Variants in TTC17 observed in about 807,000 individuals in gnomAD.
The protein encoded by TTC17 is tetratricopeptide repeat protein 17.
In TTC17, 58 loss-of-function variants were observed where a neutral mutation model predicts 143.8. The observed-to-expected ratio is 0.40, with a 90% confidence interval of 0.33 to 0.50. The LOEUF is 0.50. Among genes scored for constraint, TTC17 ranks in the 20% least tolerant of loss-of-function variants. The pLI is 0.49. For missense variants in TTC17, 1,273 were observed against 1,392.5 expected (o/e 0.91, Z 1.37); for synonymous variants, 501 against 497.8 (o/e 1.01, Z -0.09).
intron 2 of TTC17, among the ~76,000 whole-genome samples, chr11:43,381,640 T>G (rs1045449631): frequency 6.6e-6 from 1 of 152,202 alleles, no homozygotes; most frequent in Non-Finnish European, 1.5e-5. Flanking sequence ...ACATCTTCAG[T>G]TTCCTGAATA....
At chr11:43,428,973 A>G (rs929326339) in intron 16 of TTC17, among the ~76,000 whole-genome samples, 12 of 152,214 alleles carry the variant, frequency 7.9e-5, no homozygotes, top group African/African-American at 2.9e-4. Context: ...AACCTTCTGC[A>G]AAGAATTTCA....
intron 16 of TTC17, among the ~76,000 whole-genome samples, chr11:43,424,087 C>CT (rs778471979): frequency 0.033 from 4,605 of 140,682 alleles, 259 homozygotes; most frequent in African/African-American, 0.11. Context: ...ATTCTTTTTC[C>CT]TTTTTTTTTT....
intron 18 of TTC17, among the ~76,000 whole-genome samples, chr11:43,446,916 C>T (rs1042421877): frequency 1.3e-5 from 2 of 152,180 alleles, no homozygotes; most frequent in Non-Finnish European, 2.9e-5. Context: ...TGGGAACATA[C>T]ACGTTAGAGT....
chr11:43,413,096 A>G (rs1158933128), intron 15 of TTC17, among the ~76,000 whole-genome samples: 1 of 152,064 alleles, frequency 6.6e-6, no homozygotes, highest in Non-Finnish European at 1.5e-5. Context: ...GAGATTTACT[A>G]TAATTAAAAG....
intron 16 of TTC17, chr11:43,435,076 ATGATAGAT>A (rs1484754033): frequency 1.6e-5 from 2 of 125,018 alleles, no homozygotes; most frequent in African/African-American, 6.0e-5. Context: ...CACAGATAAG[ATGATAGAT>A]AGATAGATAG....
At chr11:43,462,504 G>GT (rs1172359285) in intron 21 of TTC17, among the ~76,000 whole-genome samples, 1 of 152,184 alleles carries the variant, frequency 6.6e-6, no homozygotes, top group Admixed American at 6.5e-5. Context: ...GAAGAGGGAA[G>GT]TAACAGATTC....
chr11:43,406,021 C>G (rs922300224), intron 13 of TTC17, 70 bp downstream of exon 13: 1 of 1,494,052 alleles, frequency 6.7e-7, no homozygotes, highest in African/African-American at 1.4e-5. Flanking sequence ...TTAAATGGAA[C>G]AAAAAATTGA....
intron 21 of TTC17, chr11:43,490,001 T>C: frequency 3.1e-6 from 1 of 323,198 alleles, no homozygotes; most frequent in Non-Finnish European, 5.6e-6. Flanking sequence ...GGCAAGACAC[T>C]TAAGCTCTCT....
At chr11:43,490,920 A>T (rs1395368898) in intron 22 of TTC17, 1 of 150,278 alleles carries the variant, frequency 6.7e-6, no homozygotes, top group Non-Finnish European at 1.5e-5. Context: ...TTTCCAGAAG[A>T]CCGGTTATTG....
chr11:43,489,239 T>C (rs1269973417), intron 21 of TTC17, among the ~76,000 whole-genome samples: 1 of 152,042 alleles, frequency 6.6e-6, no homozygotes, highest in African/African-American at 2.4e-5. Flanking sequence ...TAACAAAATA[T>C]GAATGCAAAT....
chr11:43,456,205 C>A (rs545597124), intron 21 of TTC17, among the ~76,000 whole-genome samples: 45 of 151,768 alleles, frequency 3.0e-4, no homozygotes, highest in African/African-American at 9.9e-4. Flanking sequence ...CACACACACA[C>A]ACACACACCA....
At chr11:43,438,316 C>G (rs1439692418) in intron 16 of TTC17, among the ~76,000 whole-genome samples, 2 of 152,188 alleles carry the variant, frequency 1.3e-5, no homozygotes, top group Admixed American at 6.5e-5. Flanking sequence ...TGCCACCACA[C>G]CCAGCTAATT....
rs145638006 is a variant in TTC17 at position 43,490,341 on chromosome 11, G to T, written c.3133G>T (p.Ala1045Ser). The T allele has an allele frequency of 1.6e-4, 252 of 1,606,420 alleles. 3 individuals are homozygous for T. In the East Asian group the frequency reaches 5.0e-3, roughly 32 times the overall value. The change falls in exon 22 of 24, where the codon GCG becomes TCG. Residue 1045 changes from alanine to serine, a missense_variant. Physicochemically the swap from Ala to Ser is moderately conservative, Grantham distance 99. Around this residue, in one of 3 missense-constraint regions of TTC17, gnomAD observed 878 missense variants for 899.8 expected, o/e 0.98. Transcript: ENST00000039989. ...CTGCCTCCGCCAGGCTCTGCACTAT[G>T]CGCCACACCAGATGAAGGTGAGTGG... Reference protein sequence around the residue: ...IDCLRQALHYAPHQMKDVPLI... With the variant: ...IDCLRQALHYSPHQMKDVPLI...
chr11:43,404,211 C>T, intron 11 of TTC17, 67 bp downstream of exon 11: 1 of 1,476,990 alleles, frequency 6.8e-7, no homozygotes, highest in African/African-American at 1.4e-5. Context: ...CAGTGGCCCT[C>T]AACCTCACTG....
intron 13 of TTC17, 121 bp downstream of exon 13, chr11:43,406,072 G>A (rs568298953): frequency 8.3e-7 from 1 of 1,207,836 alleles, no homozygotes; most frequent in African/African-American, 1.5e-5. Context: ...AAAATGGAAG[G>A]ATAGAGTTAA....
intron 20 of TTC17, among the ~76,000 whole-genome samples, chr11:43,450,477 G>C (rs540514760): frequency 4.6e-5 from 7 of 152,250 alleles, no homozygotes; most frequent in African/African-American, 1.7e-4. Context: ...ACCCCTCAAG[G>C]GGGGTAGTTC....
chr11:43,413,330 G>T (rs1465060959), intron 15 of TTC17, among the ~76,000 whole-genome samples: 3 of 152,062 alleles, frequency 2.0e-5, no homozygotes, highest in Non-Finnish European at 4.4e-5. Flanking sequence ...ACCATACACA[G>T]GATTAATTTG....
At chr11:43,477,078 A>G (rs1006865147) in intron 21 of TTC17, among the ~76,000 whole-genome samples, 49 of 152,130 alleles carry the variant, frequency 3.2e-4, no homozygotes, top group Admixed American at 1.2e-3. Flanking sequence ...AGTTCCACAA[A>G]TCTCTAGGAC....
chr11:43,390,572 CACCACTGCACT>C (rs879534939), intron 3 of TTC17, among the ~76,000 whole-genome samples: 5,768 of 150,914 alleles, frequency 0.038, 152 homozygotes, highest in South Asian at 0.11. Flanking sequence ...GCCAAGATGG[CACCACTGCACT>C]CCAGCCTGGG....
Sources: gnomAD v4.1 joint callset for allele counts (sites outside exome capture counted in the v4.1 genomes callset) on GRCh38, gnomAD v4.1.1 for gene constraint, gnomAD v4.1.1 regional missense constraint, MANE v1.5 for transcripts, NCBI Gene and HGNC (gene_info 2026-07-23, HGNC 2026-07-21) for gene names.